The following ANKFN1 variants were observed in gnomAD, a reference collection of about 807,000 sequenced individuals.
The protein encoded by ANKFN1 is ankyrin repeat and fibronectin type III domain containing 1.
ANKFN1 carries 74 observed loss-of-function variants against 108.7 expected under a neutral mutation model. The observed-to-expected ratio is 0.68, with a 90% CI of 0.56 to 0.83. The LOEUF is 0.83. ANKFN1 is among the 40% of genes least tolerant of loss of function. ANKFN1 has a pLI of 0.00. For missense variants in ANKFN1, 1,505 were observed against 1,382.3 expected (o/e 1.09, Z -1.41); for synonymous variants, 547 against 516.2 (o/e 1.06, Z -0.81).
At chr17:56,382,478 A>G (rs2047134069) in intron 8 of ANKFN1, among the ~76,000 whole-genome samples, 4 of 152,210 alleles carry the variant, frequency 2.6e-5, no homozygotes, top group South Asian at 2.1e-4. Flanking sequence ...CACACATAAC[A>G]ATATTAACTT....
intron 1 of ANKFN1, among the ~76,000 whole-genome samples, chr17:56,211,627 T>C (rs1195872047): frequency 6.6e-6 from 1 of 152,214 alleles, no homozygotes; most frequent in Non-Finnish European, 1.5e-5. Context: ...GATTGATTTG[T>C]CTAGTTCTGT....
intron 4 of ANKFN1, among the ~76,000 whole-genome samples, chr17:56,086,158 G>A (rs1423940785): frequency 2.0e-5 from 3 of 150,998 alleles, no homozygotes; most frequent in Non-Finnish European, 4.4e-5. Context: ...TGTAGTCCTA[G>A]CACTTTGGGA....
rs2045986783 is a variant in ANKFN1, at chr17:56,342,559, A to G, written c.189-8207A>G. Among the ~76,000 whole-genome samples the G allele has an allele frequency of 2.0e-5, 3 of 152,082 alleles. No individual in the cohort carries two copies. The South Asian group carries it at 6.2e-4, about 32-fold the overall frequency. On this transcript the variant is annotated intron_variant, in intron 4 of 20. Transcript: ENST00000682825. ...TGCCTTAATTTAATTATTTACCCAA[A>G]TGCCATTCAGGAGCATATTATTCAA...
intron 4 of ANKFN1, among the ~76,000 whole-genome samples, chr17:56,048,927 A>G (rs1466942201): frequency 6.6e-6 from 1 of 152,202 alleles, no homozygotes; most frequent in African/African-American, 2.4e-5. Flanking sequence ...GGGAAGGTGA[A>G]GACTAGCAAA....
intron 8 of ANKFN1, among the ~76,000 whole-genome samples, chr17:56,412,958 T>C (rs761972943): frequency 2.0e-5 from 3 of 152,256 alleles, no homozygotes; most frequent in African/African-American, 4.8e-5. Context: ...GCTTATCTTT[T>C]TTAAAAGAAA....
At chr17:56,094,565 A>G (rs1905487660) in intron 4 of ANKFN1, among the ~76,000 whole-genome samples, 1 of 139,376 alleles carries the variant, frequency 7.2e-6, no homozygotes, top group Non-Finnish European at 1.5e-5. Flanking sequence ...GTGCAGTGGC[A>G]TGATCTCAGC....
At chr17:56,262,233 G>A (rs2043531334) in intron 3 of ANKFN1, among the ~76,000 whole-genome samples, 1 of 152,174 alleles carries the variant, frequency 6.6e-6, no homozygotes, top group Admixed American at 6.5e-5. Flanking sequence ...GATGCCTCAG[G>A]GCAGTCACCA....
intron 2 of ANKFN1, among the ~76,000 whole-genome samples, chr17:56,214,618 G>T (rs775932324): frequency 6.6e-6 from 1 of 152,132 alleles, no homozygotes; most frequent in Non-Finnish European, 1.5e-5. Context: ...TTCAACTGCA[G>T]GTCCCACTAA....
At chr17:56,397,249 T>C (rs1308610475) in intron 8 of ANKFN1, among the ~76,000 whole-genome samples, 1 of 152,168 alleles carries the variant, frequency 6.6e-6, no homozygotes, top group African/African-American at 2.4e-5. Flanking sequence ...GAGAGCAGGC[T>C]AAACAGGATG....
At chr17:56,484,963 C>G (rs562107409) in intron 18 of ANKFN1, among the ~76,000 whole-genome samples, 1 of 152,306 alleles carries the variant, frequency 6.6e-6, no homozygotes, top group South Asian at 2.1e-4. Flanking sequence ...CCTCTCTAGC[C>G]TGTTTCTGTG....
intron 3 of ANKFN1, among the ~76,000 whole-genome samples, chr17:56,319,994 G>T (rs1161880250): frequency 6.6e-6 from 1 of 152,028 alleles, no homozygotes; most frequent in African/African-American, 2.4e-5. Context: ...CACAAACTTT[G>T]CAGAGACCTG....
chr17:56,403,138 G>A (rs2047813815), intron 8 of ANKFN1, among the ~76,000 whole-genome samples: 1 of 152,108 alleles, frequency 6.6e-6, no homozygotes, highest in African/African-American at 2.4e-5. Context: ...CTTGGAGAAA[G>A]TTCCATGTGC....
At chr17:56,469,427 G>A (rs2050240501) in intron 15 of ANKFN1, among the ~76,000 whole-genome samples, 3 of 152,066 alleles carry the variant, frequency 2.0e-5, no homozygotes. Context: ...AAAGCAGGCT[G>A]GTAATTCCCA....
At chr17:56,297,364 C>A (rs1423141443) in intron 3 of ANKFN1, among the ~76,000 whole-genome samples, 1 of 152,138 alleles carries the variant, frequency 6.6e-6, no homozygotes, top group Non-Finnish European at 1.5e-5. Flanking sequence ...TTGCTCATTG[C>A]TGAGGATGAG....
upstream of ANKFN1, among the ~76,000 whole-genome samples, chr17:56,151,992 T>A (rs200555870): frequency 2.0e-3 from 1 of 510 alleles, no homozygotes; most frequent in Non-Finnish European, 5.0e-3. Flanking sequence ...TATTAAAGAG[T>A]TTTTTTTAAA....
At chr17:56,354,887 T>A (rs2046334944) in intron 6 of ANKFN1, among the ~76,000 whole-genome samples, 2 of 152,242 alleles carry the variant, frequency 1.3e-5, no homozygotes, top group Middle Eastern at 3.2e-3. Flanking sequence ...AGTGCCATAA[T>A]AAACATGGGG....
chr17:56,229,688 AG>A (rs1413010633), intron 3 of ANKFN1, among the ~76,000 whole-genome samples: 1 of 131,364 alleles, frequency 7.6e-6, no homozygotes, highest in Non-Finnish European at 1.6e-5. Flanking sequence ...AAAAAAAAAA[AG>A]GGGGGTTGGG....
intron 3 of ANKFN1, 101 bp downstream of exon 3, chr17:56,228,058 A>G: frequency 1.0e-6 from 1 of 962,350 alleles, no homozygotes; most frequent in Non-Finnish European, 1.6e-6. Context: ...GCATTTTTAA[A>G]GTCTAGCTCA....
At chr17:56,133,786 G>GTT (rs11421223) in intron 4 of ANKFN1, among the ~76,000 whole-genome samples, 25 of 148,958 alleles carry the variant, frequency 1.7e-4, no homozygotes, top group Admixed American at 5.4e-4. Flanking sequence ...AATCCAAAGT[G>GTT]TTTTTTTTTT....
Sources: allele counts gnomAD v4.1 joint callset (sites outside exome capture counted in the v4.1 genomes callset), GRCh38; gene constraint gnomAD v4.1.1; transcripts MANE v1.5; gene names NCBI Gene and HGNC (gene_info 2026-07-23, HGNC 2026-07-21).